The following RLN2 variants were observed in gnomAD, a reference collection of about 807,000 sequenced individuals.
RLN2 encodes the protein prorelaxin H2.
RLN2 carries 10 observed loss-of-function variants against 7.3 expected under a neutral mutation model. The observed-to-expected ratio is 1.36, with a 90% CI of 0.84 to 2.31. The LOEUF (loss-of-function observed/expected upper bound fraction) is 2.31. Among genes scored for constraint, RLN2 ranks in the 30% most tolerant of loss-of-function variants. The pLI is 0.00. For missense variants in RLN2, 298 were observed against 217.6 expected (o/e 1.37, Z -2.32); for synonymous variants, 103 against 82.3 (o/e 1.25, Z -1.36).
At chr9:5,315,145 C>T in the RLN2 span, among the ~76,000 whole-genome samples, 34 of 151,836 alleles carry the variant, frequency 2.2e-4, no homozygotes, top group African/African-American at 7.7e-4. Flanking sequence ...TTATGAGTTG[C>T]CTGAAAAGGA....
In RLN2 at chr9:5,304,326, C is replaced by A. The variant is rs573151092; in HGVS notation, c.211+44G>T. ...AATTGGGCGGCCGCCCCAGAGTAACCAATGGGAAGCGCGGGAAGGCCGGGA... is the reference window on the plus strand; with the variant it reads ...AATTGGGCGGCCGCCCCAGAGTAACAAATGGGAAGCGCGGGAAGGCCGGGA... On this transcript the variant is annotated intron_variant, in intron 1 of 1. Transcript: ENST00000381627. 250 of 1,419,986 alleles carry A rather than the reference C, an allele frequency of 1.8e-4. 1 individual carries two copies. In the African/African-American group the frequency reaches 3.4e-3, roughly 20 times the overall value. The allele number at this position is 1,419,986 out of a possible 1,614,324, so 88.0% of individuals were successfully genotyped here. A position where few individuals can be genotyped will look rare whatever the true frequency, so the allele number is the denominator to read the frequency against.
At chr9:5,313,897 C>T in the RLN2 span, among the ~76,000 whole-genome samples, 1 of 151,940 alleles carries the variant, frequency 6.6e-6, no homozygotes, top group Non-Finnish European at 1.5e-5. Context: ...GCCACATAGA[C>T]AACAGAAGGA....
the RLN2 span, among the ~76,000 whole-genome samples, chr9:5,321,177 T>C: frequency 6.6e-6 from 1 of 152,228 alleles, no homozygotes; most frequent in South Asian, 2.1e-4. Flanking sequence ...TGGAAGCAAA[T>C]ATTTTAGTGG....
the RLN2 span, among the ~76,000 whole-genome samples, chr9:5,319,974 C>T: frequency 6.8e-6 from 1 of 147,556 alleles, no homozygotes; most frequent in Non-Finnish European, 1.5e-5. Context: ...AAGGTTCATC[C>T]TCTAAGCTAA....
At chr9:5,335,566 T>C in the RLN2 span, 2 of 1,610,530 alleles carry the variant, frequency 1.2e-6, no homozygotes, top group Non-Finnish European at 1.7e-6. Flanking sequence ...TTATAGTTTC[T>C]GTATCTTTGT....
At chr9:5,312,721 GA>G in the RLN2 span, among the ~76,000 whole-genome samples, 44 of 143,590 alleles carry the variant, frequency 3.1e-4, no homozygotes, top group Admixed American at 3.5e-4. Context: ...AGTTTGCTTG[GA>G]AAAAAAAAAA....
chr9:5,309,011 T>A (rs754933416), upstream of RLN2, among the ~76,000 whole-genome samples: 14 of 152,082 alleles, frequency 9.2e-5, no homozygotes, highest in Non-Finnish European at 1.6e-4. Context: ...TCCTCCATCC[T>A]GTAATTCTAT....
the RLN2 span, among the ~76,000 whole-genome samples, chr9:5,336,056 C>T: frequency 6.6e-6 from 1 of 151,976 alleles, no homozygotes; most frequent in Non-Finnish European, 1.5e-5. Context: ...TTATTTTAAG[C>T]TACTCAATGT....
the RLN2 span, among the ~76,000 whole-genome samples, chr9:5,336,309 T>C: frequency 6.6e-6 from 1 of 152,088 alleles, no homozygotes; most frequent in African/African-American, 2.4e-5. Flanking sequence ...GTGGTGTAAG[T>C]GTACTGACTA....
At chr9:5,335,103 A>C in the RLN2 span, 10 of 523,722 alleles carry the variant, frequency 1.9e-5, no homozygotes, top group African/African-American at 1.9e-4. Flanking sequence ...CATACAAAGA[A>C]TATTTTCTTA....
chr9:5,314,046 G>C, the RLN2 span, among the ~76,000 whole-genome samples: 1 of 151,912 alleles, frequency 6.6e-6, no homozygotes, highest in South Asian at 2.1e-4. Flanking sequence ...CCTCACCTCT[G>C]GTGACCCCTG....
the RLN2 span, among the ~76,000 whole-genome samples, chr9:5,317,447 G>C: frequency 7.8e-6 from 1 of 128,350 alleles, no homozygotes; most frequent in African/African-American, 3.1e-5. Flanking sequence ...GTGAGACTCT[G>C]TCTTAAAAAA....
chr9:5,310,128 A>T, the RLN2 span, among the ~76,000 whole-genome samples: 2 of 151,884 alleles, frequency 1.3e-5, no homozygotes, highest in African/African-American at 4.8e-5. Context: ...TCTGTATTGG[A>T]CTAAGGTCTA....
At chr9:5,320,744 A>G in the RLN2 span, among the ~76,000 whole-genome samples, 1 of 152,146 alleles carries the variant, frequency 6.6e-6, no homozygotes, top group African/African-American at 2.4e-5. Context: ...AAGACTCTTT[A>G]TATTCAGAGG....
Position 5,300,290 on chromosome 9 carries a change from G to A in RLN2, c.366C>T (p.Ser122=). The change falls in exon 2 of 2, where the codon TCC becomes TCT. Residue 122 remains serine (S), a synonymous_variant. Transcript: ENST00000381627. ...TCTTAAATTCTTCAAAGAGAAGACTGGAATCTTTTAATACAGGTACATGTT... is the reference window on the plus strand; with the variant it reads ...TCTTAAATTCTTCAAAGAGAAGACTAGAATCTTTTAATACAGGTACATGTT... ...LQQHVPVLKD[S]SLLFEEFKKL... is the part of the protein sequence containing the mutation. 1 of 1,613,978 alleles carries A rather than the reference G, an allele frequency of 6.2e-7. No homozygotes were observed. The highest frequency in any genetic ancestry group is 1.7e-5 in the Admixed American group (1 of 60,010).
the RLN2 span, among the ~76,000 whole-genome samples, chr9:5,334,105 A>T: frequency 6.6e-6 from 1 of 151,130 alleles, no homozygotes; most frequent in African/African-American, 2.4e-5. Flanking sequence ...CTTGAAAACC[A>T]GCACAAGACA....
the RLN2 span, among the ~76,000 whole-genome samples, chr9:5,325,045 A>G: frequency 2.0e-5 from 3 of 152,192 alleles, no homozygotes; most frequent in East Asian, 1.9e-4. Context: ...ACCAAGTTAG[A>G]TAAGATCTTA....
the RLN2 span, among the ~76,000 whole-genome samples, chr9:5,324,569 C>T: frequency 6.6e-6 from 1 of 151,888 alleles, no homozygotes; most frequent in African/African-American, 2.4e-5. Context: ...CTGAACCTAA[C>T]CAGGAATTTA....
At chr9:5,325,425 T>C in the RLN2 span, among the ~76,000 whole-genome samples, 3 of 152,130 alleles carry the variant, frequency 2.0e-5, no homozygotes, top group Admixed American at 1.3e-4. Context: ...TATTTTGTTT[T>C]GCATGGCACT....
Sources: gnomAD v4.1 joint callset for allele counts (sites outside exome capture counted in the v4.1 genomes callset) on GRCh38, gnomAD v4.1.1 for gene constraint, MANE v1.5 for transcripts, NCBI Gene and HGNC (gene_info 2026-07-23, HGNC 2026-07-21) for gene names.